Variants in ANKFN1 observed in about 807,000 individuals in gnomAD.
ANKFN1 encodes ankyrin repeat and fibronectin type-III domain-containing protein 1.
Under a neutral mutation model 108.7 loss-of-function variants are expected in ANKFN1, and 74 were observed. The ratio of observed to expected loss-of-function variants is 0.68; its 90% confidence interval spans 0.56 to 0.83. The LOEUF is 0.83. ANKFN1 is among the 40% of genes least tolerant of loss of function. ANKFN1 has a pLI of 0.00. For missense variants in ANKFN1, 1,505 were observed against 1,382.3 expected (o/e 1.09, Z -1.41); for synonymous variants, 547 against 516.2 (o/e 1.06, Z -0.81).
chr17:56,249,267 C>A (rs1225887933), intron 3 of ANKFN1, among the ~76,000 whole-genome samples: 1 of 151,984 alleles, frequency 6.6e-6, no homozygotes, highest in East Asian at 1.9e-4. Flanking sequence ...AACTTCATCT[C>A]TACTAAAAGC....
At chr17:56,252,293 A>G (rs971987107) in intron 3 of ANKFN1, 1 of 152,252 alleles carries the variant, frequency 6.6e-6, no homozygotes, top group Non-Finnish European at 1.5e-5. Flanking sequence ...TGATGGAACC[A>G]AGACTAGAAT....
chr17:56,442,927 CCTT>C lies in ANKFN1; in HGVS notation c.1096_1098del (p.Ser366del). On this transcript the variant is annotated inframe_deletion, in exon 10 of 21. Transcript: ENST00000682825. ...GACCACGACACCGGCATGTGCCTCT[CCTT>C]CTAGTAGGTGGTGGCTGTGAACTCT... 1 of 1,613,598 alleles carries C rather than the reference CCTT, an allele frequency of 6.2e-7. No homozygotes were observed. Among genetic ancestry groups the C allele is most frequent in the Non-Finnish European group, 8.5e-7 (1 of 1,179,656 alleles).
chr17:56,345,700 A>G (rs540520027), intron 4 of ANKFN1, among the ~76,000 whole-genome samples: 1 of 152,300 alleles, frequency 6.6e-6, no homozygotes, highest in African/African-American at 2.4e-5. Context: ...TCTTTTGAGA[A>G]GTGTCTGTTC....
chr17:56,076,940 C>G (rs17819739), intron 4 of ANKFN1, among the ~76,000 whole-genome samples: 9,712 of 152,160 alleles, frequency 0.064, 446 homozygotes, highest in East Asian at 0.14. Context: ...TGGGATATCT[C>G]TAGGGTTGTG....
At chr17:56,456,446 C>A (rs2049702145) in intron 11 of ANKFN1, among the ~76,000 whole-genome samples, 2 of 149,398 alleles carry the variant, frequency 1.3e-5, no homozygotes, top group African/African-American at 5.0e-5. Context: ...CTCTGTCGCC[C>A]AGGCTGGAGA....
At chr17:56,416,925 G>T (rs1256507222) in intron 8 of ANKFN1, among the ~76,000 whole-genome samples, 1 of 152,154 alleles carries the variant, frequency 6.6e-6, no homozygotes, top group Non-Finnish European at 1.5e-5. Context: ...TGGGGCTGGA[G>T]GTCATTAGGT....
intron 4 of ANKFN1, among the ~76,000 whole-genome samples, chr17:56,129,755 A>C (rs1484095797): frequency 6.6e-6 from 1 of 152,232 alleles, no homozygotes; most frequent in Non-Finnish European, 1.5e-5. Context: ...CCTATTAAGC[A>C]GCCTGTTTGG....
At chr17:56,172,714 G>A (rs1202157347) in intron 1 of ANKFN1, among the ~76,000 whole-genome samples, 1 of 152,150 alleles carries the variant, frequency 6.6e-6, no homozygotes, top group East Asian at 1.9e-4. Context: ...TGTTTGGCCT[G>A]GAGAGCCGAT....
intron 2 of ANKFN1, among the ~76,000 whole-genome samples, 164 bp downstream of exon 2, chr17:56,212,843 T>A (rs1056898462): frequency 2.6e-5 from 4 of 152,184 alleles, no homozygotes; most frequent in Admixed American, 6.5e-5. Flanking sequence ...TAGCTGGTGT[T>A]TTTTTTGCTA....
At chr17:56,304,490 T>A (rs2044761278) in intron 3 of ANKFN1, among the ~76,000 whole-genome samples, 1 of 152,202 alleles carries the variant, frequency 6.6e-6, no homozygotes, top group African/African-American at 2.4e-5. Context: ...AAGTCCTTAT[T>A]TCTCTGGGAT....
rs181960959 is a variant in ANKFN1 at position 56,511,326 on chromosome 17, C to T, written c.*57C>T. On this transcript the variant is annotated 3_prime_UTR_variant, in exon 21 of 21. Coordinates refer to ENST00000682825, the MANE Select transcript of ANKFN1 (RefSeq NM_001370326.1). The stretch of plus-strand genomic sequence containing the variant: ...GGCTGCTACCTGCGTTTTACATCAC[C>T]CTTACCCCCATCCTGCCCCACTGTG... 7 of 1,426,616 alleles carry T rather than the reference C, an allele frequency of 4.9e-6. No homozygotes were observed. The East Asian group carries it at 1.7e-4, about 36-fold the overall frequency. The allele number at this position is 1,426,616 out of a possible 1,614,324, so 88.4% of individuals were successfully genotyped here.
intron 8 of ANKFN1, among the ~76,000 whole-genome samples, chr17:56,388,637 C>T (rs1452137095): frequency 6.6e-6 from 1 of 151,878 alleles, no homozygotes; most frequent in Non-Finnish European, 1.5e-5. Flanking sequence ...TTTCCTTTTC[C>T]ATGTATTTTC....
At chr17:56,047,326 A>G (rs897967698) in intron 4 of ANKFN1, among the ~76,000 whole-genome samples, 4 of 152,114 alleles carry the variant, frequency 2.6e-5, no homozygotes, top group Non-Finnish European at 2.9e-5. Flanking sequence ...TCTGCAGTAA[A>G]TGCATACTAG....
At position 56,356,477 on chromosome 17, in the gene ANKFN1, G is replaced by A. The variant is rs544274205; in HGVS notation, c.601+2431G>A. Among the ~76,000 whole-genome samples the A allele has an allele frequency of 2.6e-5, 4 of 152,178 alleles. No individual in the cohort carries two copies. The East Asian group carries it at 5.8e-4, about 22-fold the overall frequency. Reference sequence around the variant, plus strand: ...TCTCTGCTCCTAAATTTCGTAAATCGCCACCACCCAAAGACTAGGTACAGA... The same window carrying A: ...TCTCTGCTCCTAAATTTCGTAAATCACCACCACCCAAAGACTAGGTACAGA... On this transcript the variant is annotated intron_variant, in intron 6 of 20. Transcript: ENST00000682825.
chr17:56,330,716 G>T (rs1181371712), intron 4 of ANKFN1, among the ~76,000 whole-genome samples: 2 of 152,066 alleles, frequency 1.3e-5, no homozygotes, highest in Admixed American at 1.3e-4. Flanking sequence ...CCCTATGTGG[G>T]ATACTATCTT....
At chr17:56,387,684 T>A (rs780804051) in intron 8 of ANKFN1, among the ~76,000 whole-genome samples, 1 of 152,180 alleles carries the variant, frequency 6.6e-6, no homozygotes, top group Non-Finnish European at 1.5e-5. Flanking sequence ...CTGGTTTTTT[T>A]CCTTAAAATA....
intron 4 of ANKFN1, among the ~76,000 whole-genome samples, chr17:56,084,959 C>A (rs996408144): frequency 2.7e-5 from 4 of 150,808 alleles, no homozygotes; most frequent in East Asian, 3.9e-4. Flanking sequence ...CCAGGGCAGA[C>A]AATCTGGGCT....
At chr17:56,496,170 C>T (rs748669530) in intron 19 of ANKFN1, among the ~76,000 whole-genome samples, 55 of 152,026 alleles carry the variant, frequency 3.6e-4, no homozygotes, top group Non-Finnish European at 6.9e-4. Context: ...TCCCTATACC[C>T]ATATGGTTTT....
chr17:56,220,188 T>C (rs972580736), intron 2 of ANKFN1, among the ~76,000 whole-genome samples: 10 of 152,348 alleles, frequency 6.6e-5, no homozygotes, highest in Non-Finnish European at 1.5e-5. Context: ...TCATCACTTA[T>C]TGATCACTCT....
Sources: allele counts gnomAD v4.1 joint callset (sites outside exome capture counted in the v4.1 genomes callset), GRCh38; gene constraint gnomAD v4.1.1; transcripts MANE v1.5; gene names NCBI Gene and HGNC (gene_info 2026-07-23, HGNC 2026-07-21).